The following ADK variants were observed in gnomAD, a reference collection of about 807,000 sequenced individuals.
ADK encodes adenosine kinase, also known as N6,N6-dimethyladenosine kinase.
A neutral mutation model predicts 44.7 loss-of-function variants in ADK; 24 were observed. That is an observed-to-expected ratio of 0.54 (90% CI 0.39 to 0.76). The LOEUF (loss-of-function observed/expected upper bound fraction) is 0.76. ADK is among the 30% of genes least tolerant of loss of function. The probability of loss-of-function intolerance (pLI) is 0.00; values close to 1 mark genes in which losing one functional copy is unlikely to be tolerated. For missense variants in ADK, 321 were observed against 425.1 expected (o/e 0.76, Z 2.15); for synonymous variants, 128 against 142.6 (o/e 0.90, Z 0.73).
chr10:74,176,968 G>C (rs1319275444), intron 1 of ADK: 8 of 1,576,598 alleles, frequency 5.1e-6, no homozygotes, highest in Non-Finnish European at 6.9e-6. Flanking sequence ...TCCTTCTCGC[G>C]GGTGGTCTGG....
intron 3 of ADK, among the ~76,000 whole-genome samples, chr10:74,243,633 C>A (rs1845307566): frequency 6.6e-6 from 1 of 152,156 alleles, no homozygotes; most frequent in Admixed American, 6.5e-5. Flanking sequence ...GTAATCCCAG[C>A]ACTTTGGGAG....
At chr10:74,489,866 G>T (rs1847413930) in intron 6 of ADK, among the ~76,000 whole-genome samples, 2 of 151,838 alleles carry the variant, frequency 1.3e-5, no homozygotes, top group Admixed American at 1.3e-4. Flanking sequence ...TGTCCATGGG[G>T]AAGAAAAAAA....
At chr10:74,475,146 A>G (rs1253327330) in intron 6 of ADK, among the ~76,000 whole-genome samples, 2 of 151,502 alleles carry the variant, frequency 1.3e-5, no homozygotes, top group South Asian at 2.1e-4. Context: ...AACAAAGCAA[A>G]CAAAAAAAAA....
intron 6 of ADK, among the ~76,000 whole-genome samples, chr10:74,448,882 T>A (rs558663066): frequency 2.3e-3 from 342 of 148,594 alleles, no homozygotes; most frequent in Middle Eastern, 6.9e-3. Flanking sequence ...CTGCCTTTTT[T>A]AAAAAAAAAA....
At chr10:74,472,971 TG>T (rs1456194696) in intron 6 of ADK, among the ~76,000 whole-genome samples, 8 of 152,086 alleles carry the variant, frequency 5.3e-5, no homozygotes, top group African/African-American at 1.9e-4. Context: ...TTGTTTGTTT[TG>T]GGGGGCAGAT....
At chr10:74,512,737 G>T (rs916916859) in intron 6 of ADK, among the ~76,000 whole-genome samples, 2 of 742 alleles carry the variant, frequency 2.7e-3, no homozygotes, top group African/African-American at 0.01. Flanking sequence ...TTGATCTTTT[G>T]TATTTTTTTT....
intron 4 of ADK, among the ~76,000 whole-genome samples, chr10:74,337,566 A>C (rs1227142978): frequency 6.6e-6 from 1 of 152,210 alleles, no homozygotes; most frequent in African/African-American, 2.4e-5. Context: ...TGGGTTATCA[A>C]AGTGAATAGC....
intron 6 of ADK, among the ~76,000 whole-genome samples, chr10:74,500,671 T>C (rs1369362913): frequency 6.6e-6 from 1 of 152,216 alleles, no homozygotes; most frequent in Non-Finnish European, 1.5e-5. Context: ...GTCTGAGTAA[T>C]ATATGGTTTT....
intron 4 of ADK, among the ~76,000 whole-genome samples, chr10:74,381,972 C>T (rs191631059): frequency 9.8e-4 from 149 of 151,712 alleles, no homozygotes; most frequent in African/African-American, 3.0e-3. Flanking sequence ...TTTTCTTATT[C>T]TTTGGTTATT....
At chr10:74,634,283 C>T (rs1454384316) in intron 9 of ADK, among the ~76,000 whole-genome samples, 2 of 151,982 alleles carry the variant, frequency 1.3e-5, no homozygotes, top group African/African-American at 2.4e-5. Flanking sequence ...GGCGCGATCT[C>T]GGCTCACTAC....
At chr10:74,381,372 G>A (rs1480473896) in intron 4 of ADK, among the ~76,000 whole-genome samples, 2 of 152,152 alleles carry the variant, frequency 1.3e-5, no homozygotes, top group Admixed American at 6.6e-5. Flanking sequence ...AATAGAAAAT[G>A]ACCTGCCACT....
intron 3 of ADK, among the ~76,000 whole-genome samples, chr10:74,263,205 A>G (rs1370469479): frequency 1.2e-4 from 18 of 152,204 alleles, no homozygotes; most frequent in Admixed American, 1.2e-3. Flanking sequence ...CATAAGAAAA[A>G]GAGAAACTTT....
intron 10 of ADK, among the ~76,000 whole-genome samples, chr10:74,705,631 G>A (rs1337095969): frequency 6.6e-6 from 1 of 152,176 alleles, no homozygotes; most frequent in Non-Finnish European, 1.5e-5. Flanking sequence ...GTGGATATGT[G>A]CTTTCACCTA....
At chr10:74,401,706 T>C (rs1843721385) in intron 6 of ADK, among the ~76,000 whole-genome samples, 3 of 152,238 alleles carry the variant, frequency 2.0e-5, no homozygotes. Flanking sequence ...TTTGCCAGTC[T>C]GTGTCTTTTA....
At chr10:74,225,165 A>T (rs576027729) in intron 3 of ADK, among the ~76,000 whole-genome samples, 7 of 152,176 alleles carry the variant, frequency 4.6e-5, no homozygotes, top group African/African-American at 1.7e-4. Context: ...GCAACCTCTC[A>T]TTCCTGGGTT....
chr10:74,272,504 G>C (rs142398472), intron 3 of ADK, among the ~76,000 whole-genome samples: 4,193 of 152,138 alleles, frequency 0.028, 113 homozygotes, highest in East Asian at 0.077. Flanking sequence ...CAAACTCCTG[G>C]ATGCAAGCAA....
intron 4 of ADK, among the ~76,000 whole-genome samples, chr10:74,328,490 C>G (rs1033428182): frequency 2.6e-5 from 4 of 152,042 alleles, no homozygotes; most frequent in African/African-American, 9.7e-5. Context: ...TATGGTTTGG[C>G]TCTGTGTCCC....
At position 74,707,634 on chromosome 10, in the gene ADK, G is replaced by T. The variant is rs140759851; in HGVS notation, c.965-687G>T. Among the ~76,000 whole-genome samples, 371 of 151,296 alleles carry T rather than the reference G, an allele frequency of 2.5e-3. 1 individual carries two copies. The highest frequency in any genetic ancestry group is 8.5e-3 in the African/African-American group (350 of 41,232). On this transcript the variant is annotated intron_variant, in intron 10 of 10. Coordinates refer to ENST00000539909, the MANE Select transcript of ADK (RefSeq NM_006721.4). Reference sequence around the variant, plus strand: ...AAAAATTAGCTGGGCGTGATGGAAGGCACCTGTAATCCCAGCTACTCGGGA... The same window carrying T: ...AAAAATTAGCTGGGCGTGATGGAAGTCACCTGTAATCCCAGCTACTCGGGA...
At chr10:74,656,206 A>T (rs909150149) in intron 9 of ADK, 1 of 226,816 alleles carries the variant, frequency 4.4e-6, no homozygotes, top group African/African-American at 2.3e-5. Flanking sequence ...TCTGCAACCC[A>T]GGAGAGGCCA....
Sources: gnomAD v4.1 joint callset for allele counts (sites outside exome capture counted in the v4.1 genomes callset) on GRCh38, gnomAD v4.1.1 for gene constraint, MANE v1.5 for transcripts, NCBI Gene and HGNC (gene_info 2026-07-23, HGNC 2026-07-21) for gene names.